SERINC5: variants seen among roughly 807,000 people sequenced by gnomAD.
The protein encoded by SERINC5 is serine incorporator 5.
In SERINC5, 41 loss-of-function variants were observed where a neutral mutation model predicts 63.1. The observed-to-expected ratio is 0.65, with a 90% CI of 0.51 to 0.84. The LOEUF (loss-of-function observed/expected upper bound fraction) is 0.84, where lower values mean the gene tolerates loss of function less well. Ranked by LOEUF, SERINC5 falls within the 40% of genes least tolerant of loss-of-function variation. The probability of loss-of-function intolerance (pLI) is 0.00; values close to 1 mark genes in which losing one functional copy is unlikely to be tolerated. For synonymous variants in SERINC5, 222 were observed against 215.2 expected (o/e 1.03, Z -0.28); for missense variants, 523 against 573.0 (o/e 0.91, Z 0.89).
chr5:80,236,772 C>T (rs372636843), intron 1 of SERINC5, among the ~76,000 whole-genome samples: 1 of 152,138 alleles, frequency 6.6e-6, no homozygotes, highest in Non-Finnish European at 1.5e-5. Flanking sequence ...GGTGATCCAC[C>T]CGCCTCCGCC....
chr5:80,154,002 A>G (rs1003245087), intron 8 of SERINC5, among the ~76,000 whole-genome samples: 2 of 152,178 alleles, frequency 1.3e-5, no homozygotes, highest in African/African-American at 4.8e-5. Context: ...TTTCCTGGAG[A>G]TCACACATTC....
intron 11 of SERINC5, among the ~76,000 whole-genome samples, chr5:80,123,386 C>T (rs576406350): frequency 2.0e-5 from 3 of 152,292 alleles, no homozygotes; most frequent in East Asian, 1.9e-4. Flanking sequence ...GATCCCAAAG[C>T]GCTGGGATTA....
downstream of SERINC5, among the ~76,000 whole-genome samples, chr5:80,137,642 C>CAAAAAAAAAAAAAA (rs57807742): frequency 9.5e-5 from 10 of 104,810 alleles, no homozygotes; most frequent in Admixed American, 1.1e-4. Context: ...GACTCTAACT[C>CAAAAAAAAAAAAAA]AAAAAAAAAA....
At chr5:80,122,107 A>G (rs1327155972) in intron 11 of SERINC5, among the ~76,000 whole-genome samples, 1 of 151,460 alleles carries the variant, frequency 6.6e-6, no homozygotes, top group African/African-American at 2.4e-5. Context: ...CAATTCTCAT[A>G]TGGTGTAAAT....
At chr5:80,211,301 C>T (rs894119625) in intron 1 of SERINC5, among the ~76,000 whole-genome samples, 7 of 152,122 alleles carry the variant, frequency 4.6e-5, no homozygotes, top group African/African-American at 1.7e-4. Context: ...TCCACAAAGC[C>T]CCTGACTCTG....
At chr5:80,237,882 A>G (rs1470836545) in intron 1 of SERINC5, among the ~76,000 whole-genome samples, 1 of 151,902 alleles carries the variant, frequency 6.6e-6, no homozygotes, top group Non-Finnish European at 1.5e-5. Context: ...AGGCGGGTGG[A>G]TCACGAGGTC....
intron 2 of SERINC5, among the ~76,000 whole-genome samples, chr5:80,194,128 G>A (rs1456087716): frequency 6.6e-6 from 1 of 152,216 alleles, no homozygotes; most frequent in South Asian, 2.1e-4. Flanking sequence ...TACGCAGAAA[G>A]AGAACTTTTG....
chr5:80,184,200 G>A (rs1308136698), intron 2 of SERINC5, among the ~76,000 whole-genome samples: 1 of 152,132 alleles, frequency 6.6e-6, no homozygotes, highest in Non-Finnish European at 1.5e-5. Flanking sequence ...CATTTACACA[G>A]GATTTATTGC....
At chr5:80,115,661 C>T (rs1337334325) in intron 11 of SERINC5, among the ~76,000 whole-genome samples, 1 of 151,954 alleles carries the variant, frequency 6.6e-6, no homozygotes, top group Non-Finnish European at 1.5e-5. Context: ...CCTGAGTTTA[C>T]TGTTTACTGC....
chr5:80,131,532 G>A (rs957785494), intron 11 of SERINC5, among the ~76,000 whole-genome samples: 4 of 151,270 alleles, frequency 2.6e-5, no homozygotes, highest in East Asian at 2.0e-4. Flanking sequence ...CGGGGGAGAG[G>A]GGGAAGGAGG....
intron 6 of SERINC5, among the ~76,000 whole-genome samples, chr5:80,168,106 T>A (rs1202246561): frequency 6.6e-6 from 1 of 152,184 alleles, no homozygotes; most frequent in Non-Finnish European, 1.5e-5. Flanking sequence ...AACTCTTAAC[T>A]GATCAATTAA....
rs568144577 is a variant in SERINC5, at chr5:80,146,817, A to G, written c.1093+428T>C. 1.4e-3 allele frequency among the ~76,000 whole-genome samples: 219 copies of G among 152,334 alleles called. 1 individual carries two copies. The highest frequency in any genetic ancestry group is 2.8e-3 in the Non-Finnish European group (190 of 68,020). ...AACCCTTAAAGACGTAAAACTTACT[A>G]TAAGCTCAGCAGAAAGTGAGAGTAA... is the stretch of plus-strand genomic sequence containing the variant. On this transcript the variant is annotated intron_variant, in intron 10 of 11. Transcript: ENST00000507668.
chr5:80,251,279 A>AATACATAC (rs762762605), intron 1 of SERINC5, among the ~76,000 whole-genome samples: 10 of 133,766 alleles, frequency 7.5e-5, no homozygotes, highest in Non-Finnish European at 1.4e-4. Context: ...CCCATCTTTA[A>AATACATAC]ATACATACAT....
intron 1 of SERINC5, among the ~76,000 whole-genome samples, chr5:80,242,942 C>A (rs1752010881): frequency 6.6e-6 from 1 of 152,160 alleles, no homozygotes; most frequent in Non-Finnish European, 1.5e-5. Context: ...CACATTGTTA[C>A]ATTTCTTCCC....
chr5:80,207,279 G>A (rs1580169464), intron 1 of SERINC5, among the ~76,000 whole-genome samples: 6 of 152,318 alleles, frequency 3.9e-5, no homozygotes, highest in Admixed American at 3.9e-4. Flanking sequence ...GATTACAGGT[G>A]TAAGCCATGG....
intron 2 of SERINC5, among the ~76,000 whole-genome samples, chr5:80,194,723 G>T (rs1580147817): frequency 6.6e-6 from 1 of 152,050 alleles, no homozygotes; most frequent in Non-Finnish European, 1.5e-5. Flanking sequence ...CTTACCACTG[G>T]GCCCAGAAGA....
At chr5:80,240,082 G>A (rs574083563) in intron 1 of SERINC5, among the ~76,000 whole-genome samples, 3 of 152,306 alleles carry the variant, frequency 2.0e-5, no homozygotes, top group Non-Finnish European at 4.4e-5. Flanking sequence ...GGATGGATAT[G>A]TTACGGAACA....
chr5:80,162,740 A>G (rs548266729), intron 7 of SERINC5, among the ~76,000 whole-genome samples: 2 of 152,200 alleles, frequency 1.3e-5, no homozygotes, highest in South Asian at 2.1e-4. Context: ...GTCCTTCGTT[A>G]AATTTATTCC....
chr5:80,233,067 C>A (rs1470098876), intron 1 of SERINC5, among the ~76,000 whole-genome samples: 1 of 152,186 alleles, frequency 6.6e-6, no homozygotes, highest in African/African-American at 2.4e-5. Context: ...TATAAAACCA[C>A]TGAATTGCAC....
Sources: allele counts gnomAD v4.1 joint callset (sites outside exome capture counted in the v4.1 genomes callset), GRCh38; gene constraint gnomAD v4.1.1; transcripts MANE v1.5; gene names NCBI Gene and HGNC (gene_info 2026-07-23, HGNC 2026-07-21).